Variants in CDO1 observed in about 807,000 individuals in gnomAD.
CDO1 encodes cysteine dioxygenase type 1, also known as cysteine dioxygenase, type I.
In CDO1, 19 loss-of-function variants were observed where a neutral mutation model predicts 24.5. That is an observed-to-expected ratio of 0.77 (90% CI 0.54 to 1.14). The LOEUF (loss-of-function observed/expected upper bound fraction) is 1.14, where lower values mean the gene tolerates loss of function less well. Among genes scored for constraint, CDO1 ranks in the 50% most tolerant of loss-of-function variants. The pLI is 0.00. For synonymous variants in CDO1, 91 were observed against 87.0 expected (o/e 1.05, Z -0.26); for missense variants, 244 against 244.8 (o/e 1.00, Z 0.02).
chr5:115,806,723 TA>T (rs565439265), intron 3 of CDO1, among the ~76,000 whole-genome samples: 3 of 151,798 alleles, frequency 2.0e-5, no homozygotes, highest in African/African-American at 7.3e-5. Context: ...CCAATGGCAG[TA>T]AAAAAATAAA....
At chr5:115,811,425 C>G (rs533957535) in intron 2 of CDO1, 110 bp from the exon 3 acceptor site, 1 of 710,050 alleles carries the variant, frequency 1.4e-6, no homozygotes, top group South Asian at 2.2e-5. Flanking sequence ...AGCTATCTCC[C>G]CAGCCAAAAT....
At chr5:115,807,321 C>T (rs1469094575) in intron 3 of CDO1, among the ~76,000 whole-genome samples, 1 of 152,270 alleles carries the variant, frequency 6.6e-6, no homozygotes, top group African/African-American at 2.4e-5. Flanking sequence ...GCCAGACTAT[C>T]AAAAAGTGAA....
chr5:115,812,540 T>C (rs1760234156), intron 2 of CDO1, among the ~76,000 whole-genome samples: 2 of 152,212 alleles, frequency 1.3e-5, no homozygotes, highest in Non-Finnish European at 2.9e-5. Flanking sequence ...TTTACACACC[T>C]CAAACACCAC....
In CDO1 at chr5:115,816,497, A is replaced by AGACC; in HGVS notation, c.-104_-101dup. 1 of 1,289,562 alleles carries AGACC rather than the reference A, an allele frequency of 7.8e-7. No individual in the cohort carries two copies. Among genetic ancestry groups the AGACC allele is most frequent in the Non-Finnish European group, 1.1e-6 (1 of 913,040 alleles). The allele number at this position is 1,289,562 out of a possible 1,614,324, so 79.9% of individuals were successfully genotyped here. Reference sequence around the variant, plus strand: ...GGGCGAGGGAGCCTAACAGCCCGCTAGACCGCTAAGCAGACACACACGCAC... The same window carrying AGACC: ...GGGCGAGGGAGCCTAACAGCCCGCTAGACCGACCGCTAAGCAGACACACACGCAC... On this transcript the variant is annotated 5_prime_UTR_variant, in exon 1 of 5. It removes the in-frame stop codon of an upstream open reading frame in the 5' UTR. Transcript: ENST00000250535.
chr5:115,808,276 G>A (rs1187222393), intron 3 of CDO1, among the ~76,000 whole-genome samples: 2 of 152,102 alleles, frequency 1.3e-5, no homozygotes, highest in Non-Finnish European at 2.9e-5. Flanking sequence ...ACCACACCCG[G>A]CCAGCCCTAG....
chr5:115,806,266 A>T, intron 4 of CDO1, 83 bp downstream of exon 4: 2 of 852,842 alleles, frequency 2.3e-6, no homozygotes, highest in Non-Finnish European at 3.6e-6. Context: ...TCCATGAATT[A>T]AGACTCATCT....
chr5:115,809,138 G>A (rs371906343), intron 3 of CDO1, among the ~76,000 whole-genome samples: 5 of 152,084 alleles, frequency 3.3e-5, no homozygotes, highest in South Asian at 2.1e-4. Context: ...GCAGGTCCAC[G>A]CATCATCTAA....
chr5:115,808,612 G>A lies in CDO1; in HGVS notation c.404-2094C>T, dbSNP rs76584463. ...GAGAATGTAAGCCTTACATTGTAAGGAATCTCAGGATCACAGCTCACCCCT... is the reference window on the plus strand; with the variant it reads ...GAGAATGTAAGCCTTACATTGTAAGAAATCTCAGGATCACAGCTCACCCCT... On this transcript the variant is annotated intron_variant, in intron 3 of 4. Transcript: ENST00000250535. Among the ~76,000 whole-genome samples the A allele has an allele frequency of 4.0e-3, 604 of 152,160 alleles. 5 individuals carry two copies. Among genetic ancestry groups the A allele is most frequent in the African/African-American group, 0.014 (576 of 41,510 alleles).
Position 115,813,260 on chromosome 5 carries a change from T to TA in CDO1, c.171-3dup, listed in dbSNP as rs571899483. On this transcript the variant is annotated splice_polypyrimidine_tract_variant and splice_region_variant and intron_variant, in intron 1 of 4. Coordinates refer to ENST00000250535, the MANE Select transcript of CDO1 (RefSeq NM_001801.3). ...TGATCCACAAGATTTCGGGTATACC[T>TA]AAAAAAAAACAATATATTCAGAAGT... The TA allele has an allele frequency of 2.0e-3, 2,932 of 1,494,548 alleles. 2 individuals are homozygous for TA. The highest frequency in any genetic ancestry group is 2.2e-3 in the Non-Finnish European group (2,370 of 1,080,190). The allele number at this position is 1,494,548 out of a possible 1,614,324, so 92.6% of individuals were successfully genotyped here.
At chr5:115,813,106 C>G in intron 2 of CDO1, 75 bp downstream of exon 2, 1 of 674,632 alleles carries the variant, frequency 1.5e-6, no homozygotes, top group Non-Finnish European at 2.6e-6. Flanking sequence ...AGACCTGTGG[C>G]TAGCCTGGTA....
In CDO1 at chr5:115,805,347, C is replaced by G. The variant is rs1759895064; in HGVS notation, c.*86G>C. On this transcript the variant is annotated 3_prime_UTR_variant, in exon 5 of 5. Coordinates refer to ENST00000250535, the MANE Select transcript of CDO1 (RefSeq NM_001801.3). The stretch of plus-strand genomic sequence containing the variant: ...AGTATTGGCTTATTTAAGTATATTA[C>G]TGGATAGCACGTGGTAGGTAGCCTT... The G allele has an allele frequency of 6.2e-6, 7 of 1,138,208 alleles. No individual in the cohort carries two copies. Among genetic ancestry groups the G allele is most frequent in the Non-Finnish European group, 9.2e-6 (7 of 763,824 alleles). 70.5% of individuals were successfully genotyped at this position (1,138,208 alleles called of 1,614,324 possible).
In CDO1 at chr5:115,811,297, G is replaced by C. The variant is rs751776519; in HGVS notation, c.267C>G (p.Thr89=). The change falls in exon 3 of 5, where the codon ACC becomes ACG. Residue 89 remains threonine (T), a synonymous_variant. Coordinates refer to ENST00000250535, the MANE Select transcript of CDO1 (RefSeq NM_001801.3). ...GCATCTTCAGAAAGCAGTGGGAGTT[G>C]GTATGATCATGAATACTGCTATATG... is the stretch of plus-strand genomic sequence containing the variant. ...EGHGSSIHDH[T]NSHCFLKMLQ... 2 of 1,612,498 alleles carry C rather than the reference G, an allele frequency of 1.2e-6. No homozygotes were observed. The highest frequency in any genetic ancestry group is 3.3e-5 in the Admixed American group (2 of 59,968).
At chr5:115,810,774 A>G (rs1760154169) in intron 3 of CDO1, among the ~76,000 whole-genome samples, 1 of 152,224 alleles carries the variant, frequency 6.6e-6, no homozygotes, top group Non-Finnish European at 1.5e-5. Flanking sequence ...TGTATTTTAG[A>G]AAAACAGAGA....
intron 3 of CDO1, chr5:115,809,776 C>T (rs1273176838): frequency 2.0e-5 from 3 of 152,170 alleles, no homozygotes; most frequent in Middle Eastern, 3.4e-3. Context: ...TAACATATCC[C>T]ACCGAATATT....
chr5:115,808,064 C>G (rs1760026729), intron 3 of CDO1, among the ~76,000 whole-genome samples: 1 of 152,156 alleles, frequency 6.6e-6, no homozygotes, highest in Non-Finnish European at 1.5e-5. Flanking sequence ...ATTGTAGCCT[C>G]CACCTCCCGG....
intron 3 of CDO1, among the ~76,000 whole-genome samples, chr5:115,810,491 A>T (rs566660818): frequency 6.6e-6 from 1 of 152,324 alleles, no homozygotes; most frequent in East Asian, 1.9e-4. Flanking sequence ...ACCTTGGACA[A>T]ATTGTTTAAT....
intron 2 of CDO1, among the ~76,000 whole-genome samples, chr5:115,812,579 T>C (rs1760235640): frequency 6.6e-6 from 1 of 152,196 alleles, no homozygotes; most frequent in Admixed American, 6.5e-5. Flanking sequence ...CAATTTCACA[T>C]AAAGTTTTAC....
At chr5:115,813,819 T>G (rs761694276) in intron 1 of CDO1, 1 of 152,982 alleles carries the variant, frequency 6.5e-6, no homozygotes, top group African/African-American at 2.4e-5. Context: ...ACTACATTAG[T>G]GAAGTAAAGA....
chr5:115,811,457 A>G (rs1760186269), intron 2 of CDO1, 142 bp from the exon 3 acceptor site: 1 of 589,662 alleles, frequency 1.7e-6, no homozygotes, highest in Non-Finnish European at 3.0e-6. Flanking sequence ...GAATTTTTAA[A>G]ATGTTATCAA....
Sources: gnomAD v4.1 joint callset for allele counts (sites outside exome capture counted in the v4.1 genomes callset) on GRCh38, gnomAD v4.1.1 for gene constraint, MANE v1.5 for transcripts, NCBI Gene and HGNC (gene_info 2026-07-23, HGNC 2026-07-21) for gene names.